Variants in ARHGEF10 observed in about 807,000 individuals in gnomAD.
ARHGEF10 encodes the protein Rho guanine nucleotide exchange factor 10, also known as Rho guanine nucleotide exchange factor (GEF) 10.
Under a neutral mutation model 147.4 loss-of-function variants are expected in ARHGEF10, and 140 were observed. That is an observed-to-expected ratio of 0.95 (90% CI 0.83 to 1.09). The LOEUF is 1.09. Among genes scored for constraint, ARHGEF10 ranks in the 50% least tolerant of loss-of-function variants. ARHGEF10 has a pLI of 0.00. For missense variants in ARHGEF10, 2,222 were observed against 1,752.7 expected, an observed-to-expected ratio of 1.27 and a Z score of -4.78; for synonymous variants, 902 against 695.8, an observed-to-expected ratio of 1.30 and a Z score of -4.67.
chr8:1,928,359 A>AT (rs1284832802), intron 23 of ARHGEF10, 68 bp from the exon 24 acceptor site: 1 of 1,440,542 alleles, frequency 6.9e-7, no homozygotes, highest in Non-Finnish European at 9.8e-7. Context: ...TTTAAGGGTC[A>AT]GGTTCCAGCG....
chr8:1,919,825 A>T (rs1248432092), intron 18 of ARHGEF10, among the ~76,000 whole-genome samples: 2 of 116,850 alleles, frequency 1.7e-5, no homozygotes, highest in African/African-American at 3.5e-5. Context: ...GTGGGTGATG[A>T]GCTGTTCTGT....
intron 7 of ARHGEF10, among the ~76,000 whole-genome samples, chr8:1,874,989 G>T (rs1807554707): frequency 3.1e-5 from 1 of 32,452 alleles, no homozygotes; most frequent in Non-Finnish European, 6.2e-5. Flanking sequence ...AAGACAGTCT[G>T]GTGGGAGAGT....
At chr8:1,834,984 G>A (rs996911341) in intron 1 of ARHGEF10, among the ~76,000 whole-genome samples, 15 of 152,342 alleles carry the variant, frequency 9.8e-5, no homozygotes, top group African/African-American at 3.6e-4. Context: ...TGGAGGAAAT[G>A]GCCCCTGCAT....
chr8:1,833,917 C>T (rs1251893032), intron 1 of ARHGEF10, among the ~76,000 whole-genome samples: 4 of 152,212 alleles, frequency 2.6e-5, no homozygotes, highest in Non-Finnish European at 4.4e-5. Context: ...TGTTGGGGAG[C>T]CGTGTCGGGG....
rs1292057477 is a variant in ARHGEF10, at chr8:1,928,421, A to G, written c.2698-6A>G. On this transcript the variant is annotated splice_polypyrimidine_tract_variant and splice_region_variant and intron_variant, in intron 23 of 28. Transcript: ENST00000349830. ...TTTCTTCTTTCCTCCTAATTCTCTGATTCAGATCGGAAGTTGCACCCATCA... is the reference window on the plus strand; with the variant it reads ...TTTCTTCTTTCCTCCTAATTCTCTGGTTCAGATCGGAAGTTGCACCCATCA... 1.2e-6 allele frequency: 2 copies of G among 1,611,602 alleles called. No individual in the cohort carries two copies. The highest frequency in any genetic ancestry group is 1.1e-5 in the South Asian group (1 of 91,044).
At chr8:1,950,170 C>G (rs1395614028) in intron 27 of ARHGEF10, among the ~76,000 whole-genome samples, 1 of 152,208 alleles carries the variant, frequency 6.6e-6, no homozygotes, top group African/African-American at 2.4e-5. Flanking sequence ...CTGCCCCTGC[C>G]TCCCACCTCG....
intron 18 of ARHGEF10, among the ~76,000 whole-genome samples, chr8:1,915,622 C>G (rs1811703101): frequency 1.3e-5 from 2 of 152,248 alleles, no homozygotes; most frequent in Non-Finnish European, 2.9e-5. Flanking sequence ...GTTCTCCATG[C>G]AGGTGGCTGC....
At chr8:1,828,625 A>G (rs6998592) in intron 1 of ARHGEF10, among the ~76,000 whole-genome samples, 34,426 of 95,812 alleles carry the variant, frequency 0.36, 6,751 homozygotes, top group African/African-American at 0.51. Flanking sequence ...AAACCGTGGC[A>G]TGCACACTTA....
chr8:1,925,349 A>T lies in ARHGEF10; in HGVS notation c.2555A>T (p.His852Leu). Residue 852 changes from histidine to leucine, a missense_variant, in exon 22 of 29, where the codon CAT becomes CTT. Transcript: ENST00000349830. ...GGGAATCACATTAAAAAGGAGAAGC[A>T]TCCTCTCCTCGTCGGACACATGCCC... ...DDGNHIKKEK[H>L]PLLVGHMPVM... 6.2e-7 allele frequency: 1 copy of T among 1,614,086 alleles called. No homozygotes were observed. Among genetic ancestry groups the T allele is most frequent in the South Asian group, 1.1e-5 (1 of 91,064 alleles).
At chr8:1,849,277 G>T (rs1393528525) in intron 2 of ARHGEF10, among the ~76,000 whole-genome samples, 1 of 152,126 alleles carries the variant, frequency 6.6e-6, no homozygotes, top group Non-Finnish European at 1.5e-5. Flanking sequence ...AAGGGCGTAG[G>T]GCGGCCGTGT....
intron 26 of ARHGEF10, among the ~76,000 whole-genome samples, chr8:1,939,142 A>G (rs1191399669): frequency 6.6e-6 from 1 of 152,260 alleles, no homozygotes; most frequent in Non-Finnish European, 1.5e-5. Flanking sequence ...TGTGGAATCC[A>G]TAGCCTGCTT....
At chr8:1,864,744 C>T (rs1159314533) in intron 5 of ARHGEF10, among the ~76,000 whole-genome samples, 3 of 152,220 alleles carry the variant, frequency 2.0e-5, no homozygotes, top group Admixed American at 6.5e-5. Flanking sequence ...ATCATGAAGG[C>T]GGCCTTTGCA....
chr8:1,923,126 G>C, intron 19 of ARHGEF10, 47 bp downstream of exon 19: 1 of 1,327,510 alleles, frequency 7.5e-7, no homozygotes, highest in Non-Finnish European at 1.1e-6. Flanking sequence ...TTACTTATAA[G>C]TCATTGTAAG....
At position 1,945,596 on chromosome 8, in the gene ARHGEF10, A is replaced by C; in HGVS notation, c.3338A>C (p.Glu1113Ala). 1 of 1,614,230 alleles carries C rather than the reference A, an allele frequency of 6.2e-7. No homozygotes were observed. Among genetic ancestry groups the C allele is most frequent in the South Asian group, 1.1e-5 (1 of 91,092 alleles). The stretch of plus-strand genomic sequence containing the variant: ...TCCACGCTCCGCCTTTTTCACACGG[A>C]AACTCTCAAGCACCTGCAGGACATC... ...SGSTLRLFHT[E>A]TLKHLQDINI... Residue 1113 changes from glutamate (E) to alanine (A), a missense_variant, in exon 27 of 29, where the codon GAA becomes GCA. Transcript: ENST00000349830.
chr8:1,833,357 G>A (rs1008794650), intron 1 of ARHGEF10, among the ~76,000 whole-genome samples: 1 of 141,478 alleles, frequency 7.1e-6, no homozygotes, highest in South Asian at 2.3e-4. Context: ...GAGGCAGAGA[G>A]AGACAGAGGC....
At position 1,866,552 on chromosome 8, in the gene ARHGEF10, G is replaced by A. The variant is rs750303402; in HGVS notation, c.572G>A (p.Ser191Asn). The change falls in exon 6 of 29, where the codon AGC becomes AAC. Residue 191 changes from serine (S) to asparagine (N), a missense_variant. Physicochemically the swap from Ser to Asn is conservative, Grantham distance 46. Transcript: ENST00000349830. The stretch of plus-strand genomic sequence containing the variant: ...GAAGATCAAGTCGGTCGAGAGGACA[G>A]CGCACTTGCCCGCTGGGCCGCAGAC... Reference protein sequence around the residue: ...TSEDQVGREDSALARWAADPA... With the variant: ...TSEDQVGREDNALARWAADPA... 6.2e-7 allele frequency: 1 copy of A among 1,610,234 alleles called. No homozygotes were observed. The highest frequency in any genetic ancestry group is 8.5e-7 in the Non-Finnish European group (1 of 1,179,996).
At chr8:1,929,196 A>G (rs1394309740) in intron 24 of ARHGEF10, 90 bp from the exon 25 acceptor site, 1 of 1,391,654 alleles carries the variant, frequency 7.2e-7, no homozygotes, top group Non-Finnish European at 1.0e-6. Context: ...AAGAGGGAAG[A>G]GTTGAAATGT....
intron 26 of ARHGEF10, among the ~76,000 whole-genome samples, chr8:1,945,119 A>C (rs1334011943): frequency 6.6e-6 from 1 of 152,178 alleles, no homozygotes; most frequent in Non-Finnish European, 1.5e-5. Flanking sequence ...CATAGCTTGG[A>C]GACATCGAGG....
At chr8:1,858,145 TC>T (rs764632181) in intron 3 of ARHGEF10, 30 bp downstream of exon 3, 1 of 1,595,300 alleles carries the variant, frequency 6.3e-7, no homozygotes, top group Non-Finnish European at 8.5e-7. Flanking sequence ...CCCAGGTGAG[TC>T]CCCAGGTGGG....
Sources: gnomAD v4.1 joint callset for allele counts (sites outside exome capture counted in the v4.1 genomes callset) on GRCh38, gnomAD v4.1.1 for gene constraint, MANE v1.5 for transcripts, NCBI Gene and HGNC (gene_info 2026-07-23, HGNC 2026-07-21) for gene names.